The following CNTROB variants were observed in gnomAD, a reference collection of about 807,000 sequenced individuals.
The protein encoded by CNTROB is centrobin.
CNTROB carries 82 observed loss-of-function variants against 115.7 expected under a neutral mutation model. That is an observed-to-expected ratio of 0.71 (90% CI 0.59 to 0.85). CNTROB has a LOEUF of 0.85. Among genes scored for constraint, CNTROB ranks in the 40% least tolerant of loss-of-function variants. The pLI, the probability that CNTROB is intolerant of heterozygous loss-of-function variation, is 0.00. For missense variants in CNTROB, 1,014 were observed against 1,144.4 expected (o/e 0.89, Z 1.64); for synonymous variants, 439 against 456.4 (o/e 0.96, Z 0.49).
Position 7,933,414 on chromosome 17 carries a change from T to G in CNTROB, c.270+65T>G, listed in dbSNP as rs187799243. ...CACCAGAGAGTCTTGGGATTGGGGT[T>G]GGTAAAAATAAAAAGCTTTGATGAG... On this transcript the variant is annotated intron_variant, in intron 1 of 18. Transcript: ENST00000563694. 6.5e-5 allele frequency: 96 copies of G among 1,488,326 alleles called. No individual in the cohort carries two copies. In the African/African-American group the frequency reaches 1.2e-3, roughly 18 times the overall value. 92.2% of individuals were successfully genotyped at this position (1,488,326 alleles called of 1,614,324 possible).
rs1192319783 is a variant in CNTROB at position 7,934,484 on chromosome 17, C to A, written c.375C>A (p.Gly125=). 6.2e-7 allele frequency: 1 copy of A among 1,613,976 alleles called. No homozygotes were observed. The highest frequency in any genetic ancestry group is 2.2e-5 in the East Asian group (1 of 44,896). Reference sequence around the variant, plus strand: ...CTGCAGGGGATCCTCTCATTCCTGGCGCTGGCTCAGAGAGACGGGAAGAGG... The same window carrying A: ...CTGCAGGGGATCCTCTCATTCCTGGAGCTGGCTCAGAGAGACGGGAAGAGG... ...DTAYRDPLIP[G]AGSERREEDS... The change falls in exon 3 of 19, where the codon GGC becomes GGA. Residue 125 remains glycine (G), a synonymous_variant. Coordinates refer to ENST00000563694, the MANE Select transcript of CNTROB (RefSeq NM_053051.5).
At chr17:7,947,844 T>C (rs768702450) in intron 14 of CNTROB, 72 bp from the exon 15 acceptor site, 12 of 1,608,706 alleles carry the variant, frequency 7.5e-6, no homozygotes, top group Admixed American at 3.3e-5. Context: ...TTGTCCCAGC[T>C]TCTTCTCTCA....
In CNTROB at chr17:7,934,463, A is replaced by G; in HGVS notation, c.356-2A>G. ...CTTTGGGGTCCCTCTGGCTGCCTGC[A>G]GGGGATCCTCTCATTCCTGGCGCTG... On this transcript the variant is annotated splice_acceptor_variant, in intron 2 of 18. Coordinates refer to ENST00000563694, the MANE Select transcript of CNTROB (RefSeq NM_053051.5). LOFTEE classifies it high-confidence loss of function. 1 of 1,614,024 alleles carries G rather than the reference A, an allele frequency of 6.2e-7. No individual in the cohort carries two copies. The highest frequency in any genetic ancestry group is 8.5e-7 in the Non-Finnish European group (1 of 1,179,894).
In CNTROB at chr17:7,940,214, C is replaced by A; in HGVS notation, c.1283C>A (p.Ala428Asp). Residue 428 changes from alanine (A) to aspartate (D), a missense_variant, in exon 9 of 19, where the codon GCC becomes GAC. Physicochemically the swap from Ala to Asp is moderately radical, Grantham distance 126 (BLOSUM62 -2). Coordinates refer to ENST00000563694, the MANE Select transcript of CNTROB (RefSeq NM_053051.5). ...ELDTARRERD[A>D]LQLEMSLVQA... The stretch of plus-strand genomic sequence containing the variant: ...GATACAGCTCGGAGAGAGAGAGATG[C>A]CCTGCAGCTGGAAATGAGCTTGGTG... 1 of 1,609,606 alleles carries A rather than the reference C, an allele frequency of 6.2e-7. No homozygotes were observed. The highest frequency in any genetic ancestry group is 8.5e-7 in the Non-Finnish European group (1 of 1,178,722).
At chr17:7,936,948 C>A in intron 6 of CNTROB, 131 bp downstream of exon 6, 1 of 740,746 alleles carries the variant, frequency 1.3e-6, no homozygotes. Context: ...CCTGACATTT[C>A]TTCTCATCCC....
intron 13 of CNTROB, 48 bp from the exon 14 acceptor site, chr17:7,947,523 T>TC (rs1386999474): frequency 8.0e-6 from 12 of 1,508,666 alleles, no homozygotes; most frequent in Non-Finnish European, 1.1e-5. Flanking sequence ...AGAAGCCCCT[T>TC]CCCCCCTGAA....
At chr17:7,934,604 T>G in intron 3 of CNTROB, 58 bp downstream of exon 3, 1 of 1,441,286 alleles carries the variant, frequency 6.9e-7, no homozygotes, top group Non-Finnish European at 9.8e-7. Context: ...CCAGGTGTTT[T>G]GTTCCTTATT....
chr17:7,949,148 C>T lies in CNTROB; in HGVS notation c.2577C>T (p.Pro859=). The T allele has an allele frequency of 6.2e-7, 1 of 1,614,028 alleles. No homozygotes were observed. Among genetic ancestry groups the T allele is most frequent in the Non-Finnish European group, 8.5e-7 (1 of 1,179,968 alleles). ...CAGACTCCCGCTTGGGTGAGATCCC[C>T]CGGAAAGAGGTGAGGGAAAGTCAGG... ...RNTDSRLGEI[P]RKEIPSQAVP... is the part of the protein sequence containing the mutation. Residue 859 remains proline (P), a synonymous_variant, in exon 18 of 19, where the codon CCC becomes CCT. Coordinates refer to ENST00000563694, the MANE Select transcript of CNTROB (RefSeq NM_053051.5).
At chr17:7,937,667 G>C (rs1160493044) in intron 7 of CNTROB, among the ~76,000 whole-genome samples, 1 of 152,078 alleles carries the variant, frequency 6.6e-6, no homozygotes, top group Non-Finnish European at 1.5e-5. Flanking sequence ...GCTGGACATG[G>C]TGGTGCATGC....
Position 7,943,688 on chromosome 17 carries a change from T to C in CNTROB, c.1445+164T>C. 1.4e-6 allele frequency: 1 copy of C among 714,966 alleles called. No individual in the cohort carries two copies. Among genetic ancestry groups the C allele is most frequent in the Non-Finnish European group, 2.2e-6 (1 of 450,700 alleles). The allele number at this position is 714,966 out of a possible 1,614,324, so 44.3% of individuals were successfully genotyped here. A position where few individuals can be genotyped will look rare whatever the true frequency, so the allele number is the denominator to read the frequency against. On this transcript the variant is annotated intron_variant, in intron 10 of 18. Coordinates refer to ENST00000563694, the MANE Select transcript of CNTROB (RefSeq NM_053051.5). This position sits in a 1 kb window ranked among gnomAD's most constrained non-coding sequence, Gnocchi z 4.7. Reference sequence around the variant, plus strand: ...TGAGTCTCTCTCGGGAGGGCTGCCTTCACGCGTTCATGGAGAGCCAGAAGT... The same window carrying C: ...TGAGTCTCTCTCGGGAGGGCTGCCTCCACGCGTTCATGGAGAGCCAGAAGT...
intron 9 of CNTROB, among the ~76,000 whole-genome samples, chr17:7,941,591 T>C (rs1598088929): frequency 4.1e-5 from 4 of 97,144 alleles, no homozygotes; most frequent in African/African-American, 8.6e-5. Flanking sequence ...AGAGTGAGAC[T>C]CCATCTCAAA....
intron 7 of CNTROB, 149 bp downstream of exon 7, chr17:7,937,411 T>C: frequency 1.1e-6 from 1 of 886,200 alleles, no homozygotes; most frequent in Non-Finnish European, 1.7e-6. Context: ...CTAATTCAGC[T>C]AGATATTCTA....
chr17:7,947,528 C>A (rs759810221), intron 13 of CNTROB, 43 bp from the exon 14 acceptor site: 3 of 1,536,154 alleles, frequency 2.0e-6, no homozygotes, highest in South Asian at 1.3e-5. Flanking sequence ...CCCCTTCCCC[C>A]CTGAACACAC....
chr17:7,942,100 C>G (rs902823192), intron 9 of CNTROB, among the ~76,000 whole-genome samples: 1 of 151,202 alleles, frequency 6.6e-6, no homozygotes, highest in Non-Finnish European at 1.5e-5. Context: ...GACCCCATCT[C>G]TACAAAAAAT....
intron 6 of CNTROB, 84 bp downstream of exon 6, chr17:7,936,901 G>T (rs1195551491): frequency 2.3e-5 from 18 of 796,826 alleles, no homozygotes; most frequent in Non-Finnish European, 3.4e-5. Context: ...TGGAATTAGG[G>T]TTTCCAACAG....
At chr17:7,949,178 G>T in intron 18 of CNTROB, 21 bp downstream of exon 18, 1 of 1,612,024 alleles carries the variant, frequency 6.2e-7, no homozygotes, top group South Asian at 1.1e-5. Context: ...GTCAGGCAGG[G>T]ACCAGGGGAG....
chr17:7,938,776 A>G (rs1187857867), intron 7 of CNTROB, among the ~76,000 whole-genome samples: 2 of 151,986 alleles, frequency 1.3e-5, no homozygotes, highest in Admixed American at 6.6e-5. Context: ...GAGCTTGTCA[A>G]CTATTGTGTT....
Position 7,939,852 on chromosome 17 carries a change from G to GT in CNTROB, c.1164+103_1164+104insT. 8.2e-7 allele frequency: 1 copy of GT among 1,216,554 alleles called. No homozygotes were observed. Among genetic ancestry groups the GT allele is most frequent in the East Asian group, 2.4e-5 (1 of 41,958 alleles). 75.4% of individuals were successfully genotyped at this position (1,216,554 alleles called of 1,614,324 possible). ...GAATATGGGGGATACATATAGGCAG[G>GT]AATGGAGAGTAGAGAGCCATGTGTG... On this transcript the variant is annotated intron_variant, in intron 8 of 18. Transcript: ENST00000563694. The surrounding 1 kb of genome is among the most constrained non-coding windows in gnomAD (Gnocchi z 4.4).
chr17:7,939,701 C>G lies in CNTROB; in HGVS notation c.1116C>G (p.His372Gln), dbSNP rs765566195. The G allele has an allele frequency of 1.1e-5, 18 of 1,613,994 alleles. No homozygotes were observed. Among genetic ancestry groups the G allele is most frequent in the Non-Finnish European group, 1.5e-5 (18 of 1,180,038 alleles). The change falls in exon 8 of 19, where the codon CAC (histidine) becomes CAG (glutamine). Residue 372 changes from histidine (H) to glutamine (Q), a missense_variant. His to Gln is a conservative substitution (Grantham distance 24). Coordinates refer to ENST00000563694, the MANE Select transcript of CNTROB (RefSeq NM_053051.5). This position sits in a 1 kb window ranked among gnomAD's most constrained non-coding sequence, Gnocchi z 4.4. ...WAQQEHQLKE[H>Q]YQALQEESQA... ...AGCAAGAGCACCAGCTTAAGGAACA[C>G]TACCAGGCGCTGCAGGAGGAGAGCC...
Sources: gnomAD v4.1 joint callset for allele counts (sites outside exome capture counted in the v4.1 genomes callset) on GRCh38, gnomAD v4.1.1 for gene constraint, Gnocchi (gnomAD v3.1) non-coding constraint, MANE v1.5 for transcripts, NCBI Gene and HGNC (gene_info 2026-07-23, HGNC 2026-07-21) for gene names.